ZNF415: variants seen among roughly 807,000 people sequenced by gnomAD.
The protein encoded by ZNF415 is zinc finger protein 415.
In ZNF415, 5 loss-of-function variants were observed where a neutral mutation model predicts 7.3. That is an observed-to-expected ratio of 0.69 (90% CI 0.36 to 1.44). The LOEUF is 1.44. ZNF415 is among the 40% of genes most tolerant of loss of function. The probability of loss-of-function intolerance (pLI) is 0.04; values close to 1 mark genes in which losing one functional copy is unlikely to be tolerated. For missense variants in ZNF415, 628 were observed against 664.8 expected (o/e 0.94, Z 0.61); for synonymous variants, 207 against 226.3 (o/e 0.91, Z 0.77).
intron 2 of ZNF415, among the ~76,000 whole-genome samples, chr19:53,120,306 AAAG>A (rs2087785263): frequency 1.3e-5 from 2 of 152,342 alleles, no homozygotes; most frequent in African/African-American, 4.8e-5. Flanking sequence ...TCAACTTGAA[AAAG>A]GAGCAAGCTA....
At chr19:53,127,315 C>G (rs1487930467) in intron 1 of ZNF415, among the ~76,000 whole-genome samples, 1 of 152,192 alleles carries the variant, frequency 6.6e-6, no homozygotes, top group African/African-American at 2.4e-5. Flanking sequence ...CAGGCACTGC[C>G]TGAGGACACA....
chr19:53,130,528 A>T (rs2089924023), intron 1 of ZNF415, among the ~76,000 whole-genome samples: 2 of 152,264 alleles, frequency 1.3e-5, no homozygotes, highest in Admixed American at 6.5e-5. Flanking sequence ...GGAAATAATT[A>T]TATACAGAAA....
At position 53,132,866 on chromosome 19, in the gene ZNF415, G is replaced by GTCACCT. The variant is rs1216397339; in HGVS notation, c.-84_-79dup. The GTCACCT allele has an allele frequency of 6.6e-6, 1 of 152,216 alleles. No individual in the cohort carries two copies. Among genetic ancestry groups the GTCACCT allele is most frequent in the Admixed American group, 6.5e-5 (1 of 15,268 alleles). The allele number at this position is 152,216 out of a possible 1,614,324, so 9.4% of individuals were successfully genotyped here. A position where few individuals can be genotyped will look rare whatever the true frequency, so the allele number is the denominator to read the frequency against. ...CAGAGGGTCACTCACGCTCGACGCC[G>GTCACCT]TCACCTTCACCCAACGCGATCCGTT... is the stretch of plus-strand genomic sequence containing the variant. On this transcript the variant is annotated 5_prime_UTR_variant, in exon 1 of 4. Transcript: ENST00000243643.
chr19:53,116,679 G>T (rs62115463), intron 2 of ZNF415, among the ~76,000 whole-genome samples: 1 of 148,036 alleles, frequency 6.8e-6, no homozygotes, highest in East Asian at 2.0e-4. Context: ...GCAGTGGCAT[G>T]ATCATGGCTC....
rs1420531996 is a variant in ZNF415, at chr19:53,111,342, T to TTC, written c.137-1435_137-1434insGA. 1.3e-4 allele frequency among the ~76,000 whole-genome samples: 14 copies of TTC among 110,616 alleles called. No individual in the cohort carries two copies. The East Asian group carries it at 1.8e-3, about 14-fold the overall frequency. The allele number at this position is 110,616 out of a possible 152,430, so 72.6% of individuals were successfully genotyped here. A position where few individuals can be genotyped will look rare whatever the true frequency, so the allele number is the denominator to read the frequency against. ...AGTTCTCCTAGCCTATGATATTTCT[T>TTC]TTTTTTTTTTTTTTTTTTTGAGACC... is the stretch of plus-strand genomic sequence containing the variant. On this transcript the variant is annotated intron_variant, in intron 3 of 3. Coordinates refer to ENST00000243643, the MANE Select transcript of ZNF415 (RefSeq NM_018355.4).
In ZNF415 at chr19:53,122,740, A is replaced by G. The variant is rs1179866687; in HGVS notation, c.-64T>C. 1.2e-6 allele frequency: 2 copies of G among 1,609,086 alleles called. No homozygotes were observed. The highest frequency in any genetic ancestry group is 1.7e-5 in the Admixed American group (1 of 59,812). ...CATGTGCCAGGAGTCTTTGGAAGTC[A>G]ATGCTGAATAACAACAACAAGTGCT... On this transcript the variant is annotated 5_prime_UTR_variant, in exon 2 of 4. Coordinates refer to ENST00000243643, the MANE Select transcript of ZNF415 (RefSeq NM_018355.4).
At chr19:53,128,634 A>G (rs2089609224) in intron 1 of ZNF415, among the ~76,000 whole-genome samples, 1 of 112,040 alleles carries the variant, frequency 8.9e-6, no homozygotes, top group South Asian at 3.5e-4. Context: ...AGCTGGAGTA[A>G]GGCGGTGGGG....
At chr19:53,113,864 C>T (rs994567076) in intron 3 of ZNF415, among the ~76,000 whole-genome samples, 3 of 152,158 alleles carry the variant, frequency 2.0e-5, no homozygotes, top group African/African-American at 7.2e-5. Context: ...GTCACAGTGC[C>T]CTCCAGGTAC....
chr19:53,121,832 AC>A (rs1466464759), intron 2 of ZNF415, among the ~76,000 whole-genome samples: 1 of 152,180 alleles, frequency 6.6e-6, no homozygotes, highest in Admixed American at 6.5e-5. Flanking sequence ...CAAGTCATTA[AC>A]AGTGTGGAGT....
chr19:53,125,948 A>G (rs567437500), intron 1 of ZNF415, among the ~76,000 whole-genome samples: 57 of 151,878 alleles, frequency 3.8e-4, no homozygotes, highest in African/African-American at 1.2e-3. Flanking sequence ...AAAATAAAAT[A>G]AAATAAAATA....
intron 1 of ZNF415, chr19:53,129,652 C>T: frequency 2.5e-6 from 1 of 399,298 alleles, no homozygotes; most frequent in East Asian, 3.6e-5. Flanking sequence ...GGAGTCATTT[C>T]ACCAAGTTAT....
In ZNF415 at chr19:53,108,166, A is replaced by G; in HGVS notation, c.*211T>C. On this transcript the variant is annotated 3_prime_UTR_variant, in exon 4 of 4. Coordinates refer to ENST00000243643, the MANE Select transcript of ZNF415 (RefSeq NM_018355.4). ...TAGGTGTATATGATTTCTCTTTAGCATGGACTCTGATGTCAATGAATGCTT... is the reference window on the plus strand; with the variant it reads ...TAGGTGTATATGATTTCTCTTTAGCGTGGACTCTGATGTCAATGAATGCTT... 1 of 576,934 alleles carries G rather than the reference A, an allele frequency of 1.7e-6. No homozygotes were observed. The highest frequency in any genetic ancestry group is 3.0e-6 in the Non-Finnish European group (1 of 334,658). The allele number at this position is 576,934 out of a possible 1,614,324, so 35.7% of individuals were successfully genotyped here.
chr19:53,127,722 C>CA (rs2089409623), intron 1 of ZNF415, among the ~76,000 whole-genome samples: 1 of 151,742 alleles, frequency 6.6e-6, no homozygotes, highest in East Asian at 1.9e-4. Flanking sequence ...ACTAAAAATA[C>CA]AAAAATTAGC....
rs544733574 is a variant in ZNF415 at position 53,129,533 on chromosome 19, T to C, written c.-68+3323A>G. ...CCCACATACAACTGCCAAACACAAA[T>C]GCACACCCAATTTTGCCCCAAATTT... On this transcript the variant is annotated intron_variant, in intron 1 of 3. Coordinates refer to ENST00000243643, the MANE Select transcript of ZNF415 (RefSeq NM_018355.4). The C allele has an allele frequency of 6.0e-5, 24 of 403,104 alleles. No homozygotes were observed. The South Asian group carries it at 2.8e-3, about 47-fold the overall frequency. The allele number at this position is 403,104 out of a possible 1,614,324, so 25.0% of individuals were successfully genotyped here. A position where few individuals can be genotyped will look rare whatever the true frequency, so the allele number is the denominator to read the frequency against.
At chr19:53,110,353 A>G (rs930398630) in intron 3 of ZNF415, among the ~76,000 whole-genome samples, 7 of 152,214 alleles carry the variant, frequency 4.6e-5, no homozygotes, top group African/African-American at 1.7e-4. Flanking sequence ...AGCCACAACA[A>G]ACTTACGGAA....
chr19:53,123,753 T>C (rs2088548853), intron 1 of ZNF415: 1 of 395,470 alleles, frequency 2.5e-6, no homozygotes, highest in African/African-American at 2.1e-5. Flanking sequence ...CCCATTTTAA[T>C]TAAATATATA....
intron 1 of ZNF415, among the ~76,000 whole-genome samples, chr19:53,125,794 C>T (rs995070018): frequency 4.6e-5 from 7 of 151,984 alleles, no homozygotes; most frequent in East Asian, 3.9e-4. Context: ...AAAAATTAGC[C>T]GGACATGGTG....
At chr19:53,116,126 A>G in intron 3 of ZNF415, 187 bp downstream of exon 3, 1 of 691,702 alleles carries the variant, frequency 1.4e-6, no homozygotes, top group Non-Finnish European at 2.4e-6. Context: ...TTGTATCATG[A>G]AGGGGTCAGA....
Position 53,116,898 on chromosome 19 carries a change from C to T in ZNF415, c.16-465G>A, listed in dbSNP as rs76912971. Among the ~76,000 whole-genome samples, 209 of 152,168 alleles carry T rather than the reference C, an allele frequency of 1.4e-3. No individual in the cohort carries two copies. The East Asian group carries it at 0.038, about 28-fold the overall frequency. ...AAAGAAAGAAATAAAAAAGAATGAA[C>T]ACAGCCTATGTGACATATGGGGCAG... On this transcript the variant is annotated intron_variant, in intron 2 of 3. Transcript: ENST00000243643.
Sources: allele counts gnomAD v4.1 joint callset (sites outside exome capture counted in the v4.1 genomes callset), GRCh38; gene constraint gnomAD v4.1.1; transcripts MANE v1.5; gene names NCBI Gene and HGNC (gene_info 2026-07-23, HGNC 2026-07-21).